Variants in MMP16 observed in about 807,000 individuals in gnomAD.
MMP16 encodes matrix metallopeptidase 16.
MMP16 carries 12 observed loss-of-function variants against 67.8 expected under a neutral mutation model. That is an observed-to-expected ratio of 0.18 (90% confidence interval 0.11 to 0.29). The LOEUF (loss-of-function observed/expected upper bound fraction) is 0.29, where lower values mean the gene tolerates loss of function less well. Among genes scored for constraint, MMP16 ranks in the 10% least tolerant of loss-of-function variants. The probability of loss-of-function intolerance (pLI) is 1.00; values close to 1 mark genes in which losing one functional copy is unlikely to be tolerated. For synonymous variants in MMP16, 249 were observed against 255.9 expected, an observed-to-expected ratio of 0.97 and a Z score of 0.26; for missense variants, 475 against 765.7, an observed-to-expected ratio of 0.62 and a Z score of 4.48.
chr8:88,046,033 G>A (rs983488863), intron 9 of MMP16, among the ~76,000 whole-genome samples: 3 of 152,124 alleles, frequency 2.0e-5, no homozygotes, highest in African/African-American at 7.2e-5. Context: ...GAAGAGATAT[G>A]TTTACATTTC....
At chr8:88,210,579 A>T (rs921355765) in intron 1 of MMP16, among the ~76,000 whole-genome samples, 1 of 152,192 alleles carries the variant, frequency 6.6e-6, no homozygotes, top group Admixed American at 6.6e-5. Context: ...TAGGAAGTCC[A>T]GTGCTCCAAA....
At chr8:88,100,056 G>C (rs1054026218) in intron 6 of MMP16, among the ~76,000 whole-genome samples, 1 of 151,794 alleles carries the variant, frequency 6.6e-6, no homozygotes, top group African/African-American at 2.4e-5. Flanking sequence ...CACTCTGATG[G>C]TAGTTTCTTC....
chr8:88,257,768 G>A (rs1810326181), intron 1 of MMP16, among the ~76,000 whole-genome samples: 1 of 152,110 alleles, frequency 6.6e-6, no homozygotes, highest in African/African-American at 2.4e-5. Context: ...AACATGAACA[G>A]AGCACTTACC....
intron 1 of MMP16, among the ~76,000 whole-genome samples, chr8:88,253,940 C>A (rs1297403065): frequency 2.0e-5 from 3 of 151,826 alleles, no homozygotes; most frequent in African/African-American, 4.8e-5. Context: ...TACCATTTGA[C>A]CCAGCAATCC....
chr8:88,311,594 T>C (rs28907894), intron 1 of MMP16, among the ~76,000 whole-genome samples: 47 of 152,322 alleles, frequency 3.1e-4, no homozygotes, highest in African/African-American at 1.1e-3. Flanking sequence ...AAATGTTATT[T>C]ATGACATGTC....
intron 1 of MMP16, among the ~76,000 whole-genome samples, chr8:88,315,201 C>G (rs1811358061): frequency 6.6e-6 from 1 of 152,134 alleles, no homozygotes; most frequent in African/African-American, 2.4e-5. Context: ...TTGTGACAAC[C>G]CTCCATCAAA....
At chr8:88,216,126 C>G (rs1397633370) in intron 1 of MMP16, among the ~76,000 whole-genome samples, 1 of 152,012 alleles carries the variant, frequency 6.6e-6, no homozygotes, top group African/African-American at 2.4e-5. Flanking sequence ...TCTCTGAGGT[C>G]TGAGATAAAC....
At position 88,034,641 on chromosome 8, in the gene MMP16, G is replaced by A. The variant is rs924461785; in HGVS notation, c.*6820C>T. The A allele has an allele frequency of 2.0e-5, 3 of 152,044 alleles. No homozygotes were observed. Among genetic ancestry groups the A allele is most frequent in the Admixed American group, 2.0e-4 (3 of 15,224 alleles). The allele number at this position is 152,044 out of a possible 1,614,324, so 9.4% of individuals were successfully genotyped here. On this transcript the variant is annotated 3_prime_UTR_variant, in exon 10 of 10. Transcript: ENST00000286614. ...ATTGTAACATTGATTTAAGGATAAC[G>A]CTCATATTACTACCAAAATCATTCA...
At chr8:88,074,883 A>G in intron 6 of MMP16, 140 bp from the exon 7 acceptor site, 1 of 1,119,344 alleles carries the variant, frequency 8.9e-7, no homozygotes, top group Non-Finnish European at 1.3e-6. Context: ...AAAGAGCTAA[A>G]CAACTTGACC....
At chr8:88,258,860 A>G (rs1810344854) in intron 1 of MMP16, among the ~76,000 whole-genome samples, 1 of 152,196 alleles carries the variant, frequency 6.6e-6, no homozygotes, top group Non-Finnish European at 1.5e-5. Context: ...TTAAGTCAAA[A>G]TATTTGGTTG....
chr8:88,042,318 C>G (rs1808144377), intron 9 of MMP16, among the ~76,000 whole-genome samples: 1 of 152,116 alleles, frequency 6.6e-6, no homozygotes, highest in Non-Finnish European at 1.5e-5. Flanking sequence ...AATCTGTGCT[C>G]CTTCTAAACA....
intron 1 of MMP16, among the ~76,000 whole-genome samples, chr8:88,318,255 CAAAT>C (rs1563594229): frequency 6.6e-6 from 1 of 152,062 alleles, no homozygotes; most frequent in East Asian, 1.9e-4. Flanking sequence ...AAATAATTGA[CAAAT>C]AAAATACTAC....
At chr8:88,143,566 T>C (rs1047504773) in intron 4 of MMP16, among the ~76,000 whole-genome samples, 3 of 152,108 alleles carry the variant, frequency 2.0e-5, no homozygotes, top group Admixed American at 6.6e-5. Flanking sequence ...GTTCTTAAGA[T>C]AGTCAAGGAA....
rs185554714 is a variant in MMP16, at chr8:88,228,391, T to A, written c.133-31085A>T. 3.2e-3 allele frequency among the ~76,000 whole-genome samples: 483 copies of A among 152,230 alleles called. 2 individuals are homozygous for A. The highest frequency in any genetic ancestry group is 0.01 in the African/African-American group (417 of 41,576). On this transcript the variant is annotated intron_variant, in intron 1 of 9. Coordinates refer to ENST00000286614, the MANE Select transcript of MMP16 (RefSeq NM_005941.5). Reference sequence around the variant, plus strand: ...AAAATGATCACTGATACTTTTTGAATAGAATATTACATAGCCATCAAAGTG... The same window carrying A: ...AAAATGATCACTGATACTTTTTGAAAAGAATATTACATAGCCATCAAAGTG...
rs114882420 is a variant in MMP16 at position 88,145,443 on chromosome 8, C to T, written c.709+22226G>A. 3.6e-3 allele frequency among the ~76,000 whole-genome samples: 552 copies of T among 151,888 alleles called. 5 individuals are homozygous for T. Among genetic ancestry groups the T allele is most frequent in the African/African-American group, 0.011 (451 of 41,452 alleles). On this transcript the variant is annotated intron_variant, in intron 4 of 9. Coordinates refer to ENST00000286614, the MANE Select transcript of MMP16 (RefSeq NM_005941.5). The stretch of plus-strand genomic sequence containing the variant: ...CAATTATGTGTCACATGACTATATA[C>T]ATTTTGAAATAAATAATAGTAATAG...
chr8:88,210,096 C>A (rs951806001), intron 1 of MMP16, among the ~76,000 whole-genome samples: 1 of 152,092 alleles, frequency 6.6e-6, no homozygotes. Flanking sequence ...AGACCTCCAC[C>A]AGGCTGGCAC....
chr8:88,150,963 A>G (rs1407775686), intron 4 of MMP16, among the ~76,000 whole-genome samples: 2 of 139,952 alleles, frequency 1.4e-5, no homozygotes, highest in Non-Finnish European at 1.5e-5. Flanking sequence ...GTATTCAGGA[A>G]ACCCATCTCA....
intron 1 of MMP16, among the ~76,000 whole-genome samples, chr8:88,241,055 G>T (rs528417683): frequency 6.7e-6 from 1 of 150,112 alleles, no homozygotes; most frequent in East Asian, 1.9e-4. Flanking sequence ...TCTTTCTAAT[G>T]TAGCATCTGG....
chr8:88,071,627 T>C (rs1388066408), intron 7 of MMP16, among the ~76,000 whole-genome samples: 1 of 152,138 alleles, frequency 6.6e-6, no homozygotes, highest in Non-Finnish European at 1.5e-5. Context: ...CAGTCTAATA[T>C]GGCTGGTATA....
Sources: allele counts gnomAD v4.1 joint callset (sites outside exome capture counted in the v4.1 genomes callset), GRCh38; gene constraint gnomAD v4.1.1; transcripts MANE v1.5; gene names NCBI Gene and HGNC (gene_info 2026-07-23, HGNC 2026-07-21).